The following ABTB3 variants were observed in gnomAD, a reference collection of about 807,000 sequenced individuals.
ABTB3 encodes ankyrin repeat- and BTB/POZ domain-containing protein 3.
At chr12:107,401,692 A>G in the ABTB3 span, among the ~76,000 whole-genome samples, 5 of 152,378 alleles carry the variant, frequency 3.3e-5, no homozygotes, top group East Asian at 3.9e-4. Flanking sequence ...GCATTTTGAC[A>G]TAACACAAAT....
the ABTB3 span, among the ~76,000 whole-genome samples, chr12:107,398,687 G>A: frequency 2.6e-5 from 4 of 152,098 alleles, no homozygotes; most frequent in Non-Finnish European, 5.9e-5. Flanking sequence ...TTAGGAGCCT[G>A]CTAAACTGGG....
chr12:107,608,367 C>T, the ABTB3 span, among the ~76,000 whole-genome samples: 5 of 152,190 alleles, frequency 3.3e-5, no homozygotes, highest in Non-Finnish European at 7.3e-5. Flanking sequence ...ACTCCTCTCA[C>T]GGCTTTTAAG....
the ABTB3 span, among the ~76,000 whole-genome samples, chr12:107,329,110 A>T: frequency 6.6e-6 from 1 of 152,188 alleles, no homozygotes; most frequent in Non-Finnish European, 1.5e-5. Flanking sequence ...GCTCAGTGCC[A>T]TAAGAAGCAC....
the ABTB3 span, among the ~76,000 whole-genome samples, chr12:107,363,574 T>A: frequency 2.0e-4 from 30 of 152,144 alleles, no homozygotes; most frequent in African/African-American, 7.0e-4. Flanking sequence ...GAAACAGAGT[T>A]TTTCTTTAAG....
chr12:107,518,591 T>A, the ABTB3 span, among the ~76,000 whole-genome samples: 1 of 109,614 alleles, frequency 9.1e-6, no homozygotes, highest in Non-Finnish European at 1.7e-5. Flanking sequence ...CATCATACAC[T>A]GGGGCCTGTC....
At chr12:107,654,840 A>ACG in the ABTB3 span, among the ~76,000 whole-genome samples, 3 of 150,246 alleles carry the variant, frequency 2.0e-5, no homozygotes, top group African/African-American at 5.0e-5. Context: ...ACACACACAC[A>ACG]CACACACACA....
At chr12:107,462,943 G>A in the ABTB3 span, among the ~76,000 whole-genome samples, 23 of 150,604 alleles carry the variant, frequency 1.5e-4, no homozygotes, top group Admixed American at 2.6e-4. Context: ...TGGTGATGAC[G>A]CTCTAGTGAC....
At chr12:107,493,705 G>A in the ABTB3 span, among the ~76,000 whole-genome samples, 1 of 152,156 alleles carries the variant, frequency 6.6e-6, no homozygotes, top group Non-Finnish European at 1.5e-5. Context: ...GATAGTGTGG[G>A]CTCCTAATCC....
At chr12:107,468,271 G>A in the ABTB3 span, among the ~76,000 whole-genome samples, 1 of 152,156 alleles carries the variant, frequency 6.6e-6, no homozygotes, top group Non-Finnish European at 1.5e-5. Flanking sequence ...CCAGCCGGCT[G>A]GGGTGTTTAT....
At chr12:107,569,825 A>G in the ABTB3 span, among the ~76,000 whole-genome samples, 1 of 152,248 alleles carries the variant, frequency 6.6e-6, no homozygotes, top group South Asian at 2.1e-4. Context: ...AGGTTTGGCC[A>G]CTTAAGCAAC....
chr12:107,610,986 C>A, the ABTB3 span, among the ~76,000 whole-genome samples: 1 of 152,170 alleles, frequency 6.6e-6, no homozygotes, highest in Non-Finnish European at 1.5e-5. Flanking sequence ...GATGGGGCTG[C>A]TTCTCACATG....
the ABTB3 span, among the ~76,000 whole-genome samples, chr12:107,400,746 C>T: frequency 4.6e-5 from 7 of 152,138 alleles, no homozygotes; most frequent in East Asian, 1.9e-4. Context: ...TACACCCCCC[C>T]GCAAGAGTGC....
At chr12:107,399,416 C>A in the ABTB3 span, among the ~76,000 whole-genome samples, 1 of 152,172 alleles carries the variant, frequency 6.6e-6, no homozygotes, top group African/African-American at 2.4e-5. Context: ...CTCCATTGTT[C>A]AAACCTGGCT....
At chr12:107,485,503 G>A in the ABTB3 span, among the ~76,000 whole-genome samples, 1 of 151,966 alleles carries the variant, frequency 6.6e-6, no homozygotes, top group South Asian at 2.1e-4. Flanking sequence ...CTTTTTTTGT[G>A]ACTCTGGGTC....
At chr12:107,352,794 TG>T in the ABTB3 span, among the ~76,000 whole-genome samples, 1 of 151,676 alleles carries the variant, frequency 6.6e-6, no homozygotes, top group Non-Finnish European at 1.5e-5. Flanking sequence ...AGAGAAGAGA[TG>T]GGGGGTACCT....
At chr12:107,597,547 C>T in the ABTB3 span, among the ~76,000 whole-genome samples, 4 of 152,296 alleles carry the variant, frequency 2.6e-5, no homozygotes, top group East Asian at 7.7e-4. Flanking sequence ...CTCTTATCAC[C>T]TAATCACCTT....
chr12:107,619,269 C>T, the ABTB3 span, among the ~76,000 whole-genome samples: 1 of 152,168 alleles, frequency 6.6e-6, no homozygotes, highest in Non-Finnish European at 1.5e-5. Flanking sequence ...TAGCAAGACA[C>T]GTCCTCCTCT....
chr12:107,469,415 G>A, the ABTB3 span, among the ~76,000 whole-genome samples: 6 of 152,206 alleles, frequency 3.9e-5, no homozygotes, highest in Non-Finnish European at 7.3e-5. Context: ...CCTTGGACAA[G>A]CTGTCCAGCC....
the ABTB3 span, chr12:107,650,283 TC>T: frequency 6.6e-6 from 1 of 152,136 alleles, no homozygotes; most frequent in Non-Finnish European, 1.5e-5. Flanking sequence ...TTTTAGAGGA[TC>T]TTAAAATATG....
Sources: allele counts gnomAD v4.1 joint callset (sites outside exome capture counted in the v4.1 genomes callset), GRCh38; gene constraint gnomAD v4.1.1; transcripts MANE v1.5; gene names NCBI Gene and HGNC (gene_info 2026-07-23, HGNC 2026-07-21).